The following SETDB2 variants were observed in gnomAD, a reference collection of about 807,000 sequenced individuals.
SETDB2 encodes the protein histone-lysine N-methyltransferase SETDB2.
SETDB2 carries 56 observed loss-of-function variants against 82.5 expected under a neutral mutation model. The observed-to-expected ratio is 0.68, with a 90% CI of 0.55 to 0.85. SETDB2 has a LOEUF of 0.85. Among genes scored for constraint, SETDB2 ranks in the 40% least tolerant of loss-of-function variants. The probability of loss-of-function intolerance (pLI) is 0.00; values close to 1 mark genes in which losing one functional copy is unlikely to be tolerated. For synonymous variants in SETDB2, 272 were observed against 284.9 expected (o/e 0.95, Z 0.46); for missense variants, 677 against 816.4 (o/e 0.83, Z 2.08).
intron 11 of SETDB2, 80 bp from the exon 12 acceptor site, chr13:49,488,210 C>T (rs1305894984): frequency 2.0e-6 from 3 of 1,491,184 alleles, no homozygotes; most frequent in Non-Finnish European, 2.7e-6. Context: ...AAGCACCTAG[C>T]ATCTAATTAG....
intron 10 of SETDB2, among the ~76,000 whole-genome samples, chr13:49,485,058 T>C (rs1958568543): frequency 6.6e-6 from 1 of 152,278 alleles, no homozygotes. Context: ...CAATACATGT[T>C]GACCATTCAC....
intron 8 of SETDB2, chr13:49,482,295 A>G (rs1042059105): frequency 2.0e-6 from 2 of 985,302 alleles, no homozygotes; most frequent in African/African-American, 3.5e-5. Flanking sequence ...AGTGTTATGC[A>G]GAACTTAATA....
chr13:49,462,010 G>T (rs1015367091), intron 4 of SETDB2, among the ~76,000 whole-genome samples: 1 of 152,242 alleles, frequency 6.6e-6, no homozygotes, highest in South Asian at 2.1e-4. Flanking sequence ...AAAGGGCAAA[G>T]TTGGGAAGGG....
chr13:49,483,090 T>A, intron 9 of SETDB2, 128 bp downstream of exon 9: 1 of 645,516 alleles, frequency 1.5e-6, no homozygotes, highest in Non-Finnish European at 2.6e-6. Context: ...TTGTTAAGTC[T>A]AACACTTTGA....
rs1456382344 is a variant in SETDB2, at chr13:49,461,173, C to G, written c.208+11C>G. Reference sequence around the variant, plus strand: ...CAACATCAATAAAGGGTATGTACATCTCTATTCCCATTGTAGAGTATTCTC... The same window carrying G: ...CAACATCAATAAAGGGTATGTACATGTCTATTCCCATTGTAGAGTATTCTC... On this transcript the variant is annotated intron_variant, in intron 4 of 13. Coordinates refer to ENST00000611815, the MANE Select transcript of SETDB2 (RefSeq NM_001160308.3). The G allele has an allele frequency of 5.1e-6, 8 of 1,564,448 alleles. No homozygotes were observed. Among genetic ancestry groups the G allele is most frequent in the Non-Finnish European group, 7.0e-6 (8 of 1,138,524 alleles).
chr13:49,489,177 C>G (rs1429381488), intron 12 of SETDB2: 1 of 153,616 alleles, frequency 6.5e-6, no homozygotes, highest in African/African-American at 2.4e-5. Context: ...AATCTCAGCT[C>G]ACTGCAACCT....
chr13:49,467,809 T>A (rs527692900), intron 4 of SETDB2, 55 bp from the exon 5 acceptor site: 1 of 1,363,026 alleles, frequency 7.3e-7, no homozygotes, highest in East Asian at 2.4e-5. Flanking sequence ...TGGGTACTTA[T>A]AGCAAATGGT....
intron 5 of SETDB2, among the ~76,000 whole-genome samples, chr13:49,475,672 G>A (rs1261769439): frequency 1.3e-5 from 2 of 151,838 alleles, no homozygotes; most frequent in Non-Finnish European, 2.9e-5. Flanking sequence ...ACTTTTTGTA[G>A]GGATGAGGTT....
intron 8 of SETDB2, chr13:49,482,487 C>A: frequency 3.2e-6 from 1 of 311,074 alleles, no homozygotes; most frequent in Non-Finnish European, 4.7e-6. Flanking sequence ...CTAGCTAAAT[C>A]TCTTCTCTTT....
chr13:49,451,232 A>G (rs187810849), intron 1 of SETDB2, among the ~76,000 whole-genome samples: 1 of 151,128 alleles, frequency 6.6e-6, no homozygotes, highest in African/African-American at 2.4e-5. Flanking sequence ...TTGTCCTCAG[A>G]ACAACCTGTG....
Position 49,490,827 on chromosome 13 carries a change from T to C in SETDB2, c.1923T>C (p.Ser641=), listed in dbSNP as rs757496736. The change falls in exon 13 of 14, where the codon AGT becomes AGC. Residue 641 remains serine, a synonymous_variant. Transcript: ENST00000611815. ...TGTTTATTTTTATTTAACAGCATAG[T>C]TGTTGCCCAAATCTCTTGGTACAGA... ...EGNVGRFLNH[S]CCPNLLVQNV... 1.8e-5 allele frequency: 29 copies of C among 1,608,672 alleles called. No homozygotes were observed. The highest frequency in any genetic ancestry group is 2.5e-5 in the Non-Finnish European group (29 of 1,176,458).
chr13:49,473,842 C>G (rs184513263), intron 5 of SETDB2, among the ~76,000 whole-genome samples: 14 of 152,096 alleles, frequency 9.2e-5, no homozygotes, highest in Admixed American at 7.2e-4. Context: ...AATAGAAAAT[C>G]CAGAGTTCAG....
chr13:49,445,247 G>A (rs550495248), intron 1 of SETDB2, among the ~76,000 whole-genome samples: 5 of 152,316 alleles, frequency 3.3e-5, no homozygotes, highest in Admixed American at 1.3e-4. Flanking sequence ...ACGTGAAGTA[G>A]TTAGAAGCGT....
At chr13:49,480,917 G>A in intron 7 of SETDB2, 30 bp from the exon 8 acceptor site, 1 of 1,611,308 alleles carries the variant, frequency 6.2e-7, no homozygotes, top group Admixed American at 1.7e-5. Flanking sequence ...TGAGATGTCT[G>A]ATTTTCTCTT....
chr13:49,482,225 T>G, intron 8 of SETDB2: 1 of 985,460 alleles, frequency 1.0e-6, no homozygotes, highest in African/African-American at 1.7e-5. Context: ...TAATTTGGAC[T>G]TGGCAACTAT....
chr13:49,489,843 G>A, intron 12 of SETDB2, among the ~76,000 whole-genome samples: 2 of 145,694 alleles, frequency 1.4e-5, no homozygotes, highest in Non-Finnish European at 3.0e-5. Context: ...TGATCTGCCT[G>A]CCTCGGCCTC....
In SETDB2 at chr13:49,476,479, A is replaced by T. The variant is rs1326813836; in HGVS notation, c.309A>T (p.Thr103=). The change falls in exon 6 of 14, where the codon ACA becomes ACT. Residue 103 remains threonine (T), a synonymous_variant. Transcript: ENST00000611815. ...NSFPEDCTFL[T]TENKEILSLE... ...AATGAATAATTTATTTTAACAGAACAACAGAAAATAAGGAAATTCTCTCTC... is the reference window on the plus strand; with the variant it reads ...AATGAATAATTTATTTTAACAGAACTACAGAAAATAAGGAAATTCTCTCTC... The T allele has an allele frequency of 6.4e-7, 1 of 1,551,990 alleles. No individual in the cohort carries two copies. The highest frequency in any genetic ancestry group is 8.7e-7 in the Non-Finnish European group (1 of 1,144,984).
At chr13:49,486,283 G>A (rs1288622888) in intron 11 of SETDB2, among the ~76,000 whole-genome samples, 5 of 141,946 alleles carry the variant, frequency 3.5e-5, no homozygotes, top group Admixed American at 7.4e-5. Context: ...CAGCCTGGGC[G>A]ATAGAACAAG....
intron 8 of SETDB2, among the ~76,000 whole-genome samples, chr13:49,481,384 T>G (rs1958473761): frequency 6.6e-6 from 1 of 152,166 alleles, no homozygotes; most frequent in Non-Finnish European, 1.5e-5. Flanking sequence ...ACATTTGTTT[T>G]GTCTGCATGG....
Sources: gnomAD v4.1 joint callset for allele counts (sites outside exome capture counted in the v4.1 genomes callset) on GRCh38, gnomAD v4.1.1 for gene constraint, MANE v1.5 for transcripts, NCBI Gene and HGNC (gene_info 2026-07-23, HGNC 2026-07-21) for gene names.